The following ASPM variants were observed in gnomAD, a reference collection of about 807,000 sequenced individuals.
ASPM encodes abnormal spindle-like microcephaly-associated protein.
A neutral mutation model predicts 366.4 loss-of-function variants in ASPM; 256 were observed. The observed-to-expected ratio is 0.70, with a 90% CI of 0.63 to 0.77. The LOEUF is 0.77. ASPM is among the 30% of genes least tolerant of loss of function. The pLI is 0.00. For missense variants in ASPM, 4,146 were observed against 4,090.4 expected (o/e 1.01, Z -0.37); for synonymous variants, 1,414 against 1,342.9 (o/e 1.05, Z -1.16).
intron 16 of ASPM, 84 bp from the exon 17 acceptor site, chr1:197,118,067 C>T: frequency 7.8e-7 from 1 of 1,282,770 alleles, no homozygotes; most frequent in Non-Finnish European, 1.1e-6. Flanking sequence ...ATATGTTAAA[C>T]ACCAATCAAA....
Position 197,104,079 on chromosome 1 carries a change from C to A in ASPM, c.5172G>T (p.Glu1724Asp), listed in dbSNP as rs772469520. ...SKKIAAQKRE[E>D]YMQMRESCIK... is the part of the protein sequence containing the mutation. ...TACAAGATTCCCGCATCTGCATATA[C>A]TCTTCTCTCTTTTGTGCAGCTATTT... The change falls in exon 18 of 28, where the codon GAG becomes GAT. Residue 1724 changes from glutamate to aspartate, a missense_variant. This residue lies in a region of ASPM where 3,624 missense variants were observed against 3,591.7 expected (regional missense o/e 1.01). Coordinates refer to ENST00000367409, the MANE Select transcript of ASPM (RefSeq NM_018136.5). The A allele has an allele frequency of 2.5e-6, 4 of 1,612,976 alleles. No individual in the cohort carries two copies. The highest frequency in any genetic ancestry group is 3.4e-6 in the Non-Finnish European group (4 of 1,179,420).
intron 23 of ASPM, 28 bp downstream of exon 23, chr1:197,090,822 G>C (rs1558322941): frequency 6.3e-7 from 1 of 1,588,512 alleles, no homozygotes; most frequent in Non-Finnish European, 8.6e-7. Flanking sequence ...CTAAAGTTTT[G>C]AACTAAAACT....
At chr1:197,128,343 GA>G (rs200280533) in intron 10 of ASPM, 146 bp downstream of exon 10, 4,167 of 559,834 alleles carry the variant, frequency 7.4e-3, no homozygotes, top group Middle Eastern at 0.012. Context: ...CCACTTCCCT[GA>G]AAAAAAAAAA....
chr1:197,133,281 G>A (rs1658317951), intron 6 of ASPM, 69 bp downstream of exon 6: 1 of 1,519,818 alleles, frequency 6.6e-7, no homozygotes, highest in Middle Eastern at 1.8e-4. Flanking sequence ...ATAAAGCCGG[G>A]GGAAAAAAAC....
intron 26 of ASPM, 106 bp downstream of exon 26, chr1:197,088,150 T>C (rs549304607): frequency 2.3e-5 from 30 of 1,284,806 alleles, no homozygotes; most frequent in East Asian, 4.7e-5. Flanking sequence ...TGAACACACA[T>C]AAAACCCTAT....
Position 197,101,017 on chromosome 1 carries a change from A to C in ASPM, c.8234T>G (p.Ile2745Ser). ...FLAVQKSVRT[I>S]QAAFRGMKVR... ...TTTCATGCCTCTAAAAGCAGCCTGA[A>C]TAGTTCGTACAGATTTCTGAACTGC... Residue 2745 changes from isoleucine (I) to serine (S), a missense_variant, in exon 18 of 28, where the codon ATT (isoleucine) becomes AGT (serine). By Grantham distance (142) the Ile-to-Ser change is moderately radical (BLOSUM62 -2). Coordinates refer to ENST00000367409, the MANE Select transcript of ASPM (RefSeq NM_018136.5). 6.2e-7 allele frequency: 1 copy of C among 1,612,378 alleles called. No homozygotes were observed. The highest frequency in any genetic ancestry group is 8.5e-7 in the Non-Finnish European group (1 of 1,179,092).
At position 197,104,004 on chromosome 1, in the gene ASPM, C is replaced by T; in HGVS notation, c.5247G>A (p.Arg1749=). ...GTGAAATAACAGCTTTTCTTTGTAACCTCATCTGCTTTCGGACAAGGTATC... is the reference window on the plus strand; with the variant it reads ...GTGAAATAACAGCTTTTCTTTGTAATCTCATCTGCTTTCGGACAAGGTATC... ...VRGYLVRKQM[R]LQRKAVISLQ... is the part of the protein sequence containing the mutation. The change falls in exon 18 of 28, where the codon AGG becomes AGA. Residue 1749 remains arginine (R), a synonymous_variant. Coordinates refer to ENST00000367409, the MANE Select transcript of ASPM (RefSeq NM_018136.5). 1.9e-6 allele frequency: 3 copies of T among 1,612,548 alleles called. No homozygotes were observed. Among genetic ancestry groups the T allele is most frequent in the Non-Finnish European group, 2.5e-6 (3 of 1,179,390 alleles).
At chr1:197,116,373 C>T (rs1657735904) in intron 17 of ASPM, among the ~76,000 whole-genome samples, 1 of 152,060 alleles carries the variant, frequency 6.6e-6, no homozygotes, top group Non-Finnish European at 1.5e-5. Context: ...CTCACATTAC[C>T]ATAATAGATG....
chr1:197,091,587 C>A (rs1656787765), intron 22 of ASPM, among the ~76,000 whole-genome samples: 1 of 151,854 alleles, frequency 6.6e-6, no homozygotes, highest in Non-Finnish European at 1.5e-5. Flanking sequence ...ATGCTATTTC[C>A]CATTCATTAG....
intron 7 of ASPM, among the ~76,000 whole-genome samples, 180 bp from the exon 8 acceptor site, chr1:197,130,236 T>C (rs1658218369): frequency 6.6e-6 from 1 of 152,206 alleles, no homozygotes; most frequent in South Asian, 2.1e-4. Flanking sequence ...TATCTTATTG[T>C]ATATAGTATA....
chr1:197,104,719 T>A lies in ASPM; in HGVS notation c.4532A>T (p.Lys1511Ile). ...CTTCTGGATGGTTAGTATGGACTCT[T>A]TTCTTCTTTTATATAACTTTTGGGC... The part of the protein sequence containing the change: ...FQAQKLYKRR[K>I]ESILTIQKYY... Residue 1511 changes from lysine to isoleucine, a missense_variant, in exon 18 of 28, where the codon AAA becomes ATA. Lys to Ile is a moderately radical substitution (Grantham distance 102). Around this residue, in one of 3 missense-constraint regions of ASPM, gnomAD observed 3,624 missense variants for 3,591.7 expected, o/e 1.01. Transcript: ENST00000367409. 1 of 1,610,228 alleles carries A rather than the reference T, an allele frequency of 6.2e-7. No individual in the cohort carries two copies. Among genetic ancestry groups the A allele is most frequent in the Non-Finnish European group, 8.5e-7 (1 of 1,178,548 alleles).
At chr1:197,134,123 T>A (rs1658347405) in intron 5 of ASPM, among the ~76,000 whole-genome samples, 1 of 151,908 alleles carries the variant, frequency 6.6e-6, no homozygotes, top group Non-Finnish European at 1.5e-5. Flanking sequence ...TCCAGCCAGG[T>A]ACAATTGCTC....
rs142865061 is a variant in ASPM at position 197,102,332 on chromosome 1, G to A, written c.6919C>T (p.Gln2307Ter). ...ACTGCATTTTGTACCTGAAGGAACT[G>A]TAAGTGATGCTTTGTACAAAGATGT... ...RAHLCTKHHL[Q>*]FLQVQNAVIK... The change falls in exon 18 of 28, where the codon CAG (glutamine) becomes TAG (stop). Residue 2307 changes from glutamine to a stop codon, truncating the protein, a stop_gained. Coordinates refer to ENST00000367409, the MANE Select transcript of ASPM (RefSeq NM_018136.5). LOFTEE classifies it high-confidence loss of function. 6.8e-6 allele frequency: 11 copies of A among 1,612,608 alleles called. No homozygotes were observed. Among genetic ancestry groups the A allele is most frequent in the African/African-American group, 1.3e-5 (1 of 74,884 alleles).
rs529036839 is a variant in ASPM, at chr1:197,126,250, G to A, written c.2937-1059C>T. 3.9e-5 allele frequency among the ~76,000 whole-genome samples: 6 copies of A among 152,148 alleles called. 1 individual carries two copies. The highest frequency in any genetic ancestry group is 1.4e-4 in the African/African-American group (6 of 41,486). On this transcript the variant is annotated intron_variant, in intron 10 of 27. Coordinates refer to ENST00000367409, the MANE Select transcript of ASPM (RefSeq NM_018136.5). ...GAGGTCAGGAGTTCAAGACCAGCCT[G>A]ACCAACATGGTGAAACCCCGTCTCC...
intron 27 of ASPM, 89 bp from the exon 28 acceptor site, chr1:197,084,515 T>C (rs1656528673): frequency 4.7e-6 from 4 of 854,336 alleles, no homozygotes; most frequent in Non-Finnish European, 5.8e-6. Flanking sequence ...AAATTGTAGC[T>C]ACTCCTGAAC....
intron 10 of ASPM, among the ~76,000 whole-genome samples, chr1:197,127,647 T>C (rs1302394930): frequency 6.6e-6 from 1 of 152,176 alleles, no homozygotes; most frequent in Non-Finnish European, 1.5e-5. Context: ...AAACTGGCTA[T>C]CCATCATACA....
chr1:197,108,040 A>C (rs1304830079), intron 17 of ASPM, among the ~76,000 whole-genome samples: 1 of 152,162 alleles, frequency 6.6e-6, no homozygotes, highest in Non-Finnish European at 1.5e-5. Flanking sequence ...AAAGGTTATC[A>C]AATAGGAAAG....
At chr1:197,084,747 C>T (rs531025392) in intron 27 of ASPM, among the ~76,000 whole-genome samples, 3 of 152,268 alleles carry the variant, frequency 2.0e-5, no homozygotes, top group Non-Finnish European at 2.9e-5. Context: ...CTACTGTCAC[C>T]GTTCTCAGCA....
chr1:197,090,166 C>A, intron 24 of ASPM, 30 bp downstream of exon 24: 1 of 1,610,044 alleles, frequency 6.2e-7, no homozygotes. Context: ...AGTATTACAT[C>A]ATTCTTTAAA....
Sources: gnomAD v4.1 joint callset for allele counts (sites outside exome capture counted in the v4.1 genomes callset) on GRCh38, gnomAD v4.1.1 for gene constraint, gnomAD v4.1.1 regional missense constraint, MANE v1.5 for transcripts, NCBI Gene and HGNC (gene_info 2026-07-23, HGNC 2026-07-21) for gene names.